LYPLAL1: variants seen among roughly 807,000 people sequenced by gnomAD.
The protein encoded by LYPLAL1 is lysophospholipase-like protein 1.
A neutral mutation model predicts 19.7 loss-of-function variants in LYPLAL1; 23 were observed. That is an observed-to-expected ratio of 1.17 (90% CI 0.84 to 1.65). The LOEUF is 1.65. LYPLAL1 is among the 40% of genes most tolerant of loss of function. LYPLAL1 has a pLI of 0.00. For missense variants in LYPLAL1, 355 were observed against 279.4 expected (o/e 1.27, Z -1.93); for synonymous variants, 119 against 96.3 (o/e 1.24, Z -1.38).
the LYPLAL1 span, among the ~76,000 whole-genome samples, chr1:219,265,828 A>G: frequency 1.3e-5 from 2 of 152,152 alleles, no homozygotes; most frequent in African/African-American, 4.8e-5. Context: ...CACTTTTAGT[A>G]AAATGGTAAA....
chr1:219,343,934 A>G, the LYPLAL1 span, among the ~76,000 whole-genome samples: 1 of 152,044 alleles, frequency 6.6e-6, no homozygotes. Context: ...TGGTATCTCC[A>G]CAGCTAATTG....
chr1:219,225,997 G>A, the LYPLAL1 span, among the ~76,000 whole-genome samples: 9 of 152,032 alleles, frequency 5.9e-5, no homozygotes, highest in Admixed American at 2.6e-4. Context: ...CAAACTAAAC[G>A]TTTTAGACAC....
the LYPLAL1 span, among the ~76,000 whole-genome samples, chr1:219,331,687 C>G: frequency 6.6e-6 from 1 of 152,116 alleles, no homozygotes; most frequent in South Asian, 2.1e-4. Flanking sequence ...GGCCAAGGGC[C>G]GGACACAATG....
chr1:219,332,677 A>T, the LYPLAL1 span, among the ~76,000 whole-genome samples: 1 of 152,180 alleles, frequency 6.6e-6, no homozygotes, highest in East Asian at 1.9e-4. Flanking sequence ...TGATGAAGAG[A>T]AGACTTATTT....
downstream of LYPLAL1, among the ~76,000 whole-genome samples, chr1:219,217,379 G>GGTGTGTGTGTGTGTGTGTGT (rs371579948): frequency 0.018 from 2,443 of 134,016 alleles, 47 homozygotes; most frequent in Middle Eastern, 0.053. Flanking sequence ...TGCCAGGTTT[G>GGTGTGTGTGTGTGTGTGTGT]GTGTGTGTGT....
At chr1:219,247,018 G>C in the LYPLAL1 span, among the ~76,000 whole-genome samples, 1 of 152,110 alleles carries the variant, frequency 6.6e-6, no homozygotes, top group African/African-American at 2.4e-5. Flanking sequence ...CCCTGTATCT[G>C]TTTTCTCATT....
At chr1:219,259,152 T>C in the LYPLAL1 span, among the ~76,000 whole-genome samples, 1 of 151,990 alleles carries the variant, frequency 6.6e-6, no homozygotes, top group Admixed American at 6.6e-5. Flanking sequence ...GGAACACTTT[T>C]ACACTGCTGG....
chr1:219,346,918 G>C, the LYPLAL1 span, among the ~76,000 whole-genome samples: 1 of 152,172 alleles, frequency 6.6e-6, no homozygotes. Flanking sequence ...AATTTGAAAT[G>C]TATTTTAACA....
At chr1:219,429,818 C>G in the LYPLAL1 span, among the ~76,000 whole-genome samples, 1 of 152,036 alleles carries the variant, frequency 6.6e-6, no homozygotes, top group African/African-American at 2.4e-5. Flanking sequence ...AAAACTGTAA[C>G]AAATTTAATG....
the LYPLAL1 span, among the ~76,000 whole-genome samples, chr1:219,311,276 C>T: frequency 1.3e-5 from 2 of 152,010 alleles, no homozygotes; most frequent in Admixed American, 6.6e-5. Context: ...TTGTGAGATG[C>T]AGCAATATCA....
chr1:219,330,327 G>T, the LYPLAL1 span, among the ~76,000 whole-genome samples: 2 of 152,144 alleles, frequency 1.3e-5, no homozygotes, highest in Non-Finnish European at 2.9e-5. Flanking sequence ...TATATTTAAT[G>T]CTGCTCTACA....
the LYPLAL1 span, among the ~76,000 whole-genome samples, chr1:219,336,142 A>G: frequency 6.6e-6 from 1 of 151,562 alleles, no homozygotes; most frequent in Non-Finnish European, 1.5e-5. Flanking sequence ...TGTATCTTTG[A>G]TGTCCCATGA....
intron 2 of LYPLAL1, 48 bp downstream of exon 2, chr1:219,179,294 A>G: frequency 7.5e-7 from 1 of 1,332,054 alleles, no homozygotes; most frequent in East Asian, 2.3e-5. Context: ...GTGGCATAAA[A>G]TATATATAGA....
the LYPLAL1 span, among the ~76,000 whole-genome samples, chr1:219,282,508 CAA>C: frequency 7.2e-6 from 1 of 138,296 alleles, no homozygotes; most frequent in Non-Finnish European, 1.5e-5. Flanking sequence ...CAATGAATGA[CAA>C]AAAAAAAAAA....
At chr1:219,204,827 C>T (rs1459127365) in intron 3 of LYPLAL1, among the ~76,000 whole-genome samples, 3 of 151,872 alleles carry the variant, frequency 2.0e-5, no homozygotes, top group Admixed American at 1.3e-4. Context: ...GGTGATAATT[C>T]GTTGTTAAGA....
intron 1 of LYPLAL1, chr1:219,174,311 C>A: frequency 1.7e-6 from 2 of 1,180,758 alleles, no homozygotes; most frequent in South Asian, 4.6e-5. Context: ...TAAGGTAAGT[C>A]TTCTGCTAGA....
chr1:219,308,109 C>G, the LYPLAL1 span, among the ~76,000 whole-genome samples: 1 of 152,138 alleles, frequency 6.6e-6, no homozygotes, highest in Non-Finnish European at 1.5e-5. Flanking sequence ...TGAACTGGAG[C>G]AAAGGTGATT....
chr1:219,401,035 T>C, the LYPLAL1 span, among the ~76,000 whole-genome samples: 10 of 152,182 alleles, frequency 6.6e-5, no homozygotes, highest in African/African-American at 2.2e-4. Context: ...GATTAGAAGT[T>C]TTATTATTAT....
chr1:219,436,012 C>A, the LYPLAL1 span, among the ~76,000 whole-genome samples: 1 of 152,134 alleles, frequency 6.6e-6, no homozygotes, highest in Non-Finnish European at 1.5e-5. Flanking sequence ...TTTCATTCTG[C>A]CCCAGTGCCA....
Sources: allele counts gnomAD v4.1 joint callset (sites outside exome capture counted in the v4.1 genomes callset), GRCh38; gene constraint gnomAD v4.1.1; transcripts MANE v1.5; gene names NCBI Gene and HGNC (gene_info 2026-07-23, HGNC 2026-07-21).